The following HOMER1 variants were observed in gnomAD, a reference collection of about 807,000 sequenced individuals.
HOMER1 encodes homer scaffold protein 1.
Under a neutral mutation model 48.9 loss-of-function variants are expected in HOMER1, and 3 were observed. The observed-to-expected ratio is 0.06, with a 90% CI of 0.03 to 0.16. HOMER1 has a LOEUF of 0.16. Ranked by LOEUF, HOMER1 falls within the 10% of genes least tolerant of loss-of-function variation. The probability of loss-of-function intolerance (pLI) is 1.00; values close to 1 mark genes in which losing one functional copy is unlikely to be tolerated. For synonymous variants in HOMER1, 134 were observed against 146.4 expected (o/e 0.92, Z 0.61); for missense variants, 247 against 411.4 (o/e 0.60, Z 3.46).
At chr5:79,387,268 A>C (rs770985105) in intron 8 of HOMER1, among the ~76,000 whole-genome samples, 11 of 151,926 alleles carry the variant, frequency 7.2e-5, no homozygotes, top group African/African-American at 1.5e-4. Flanking sequence ...CTAGGACTAT[A>C]GGTGCACATC....
intron 1 of HOMER1, among the ~76,000 whole-genome samples, chr5:79,488,260 C>T (rs890999036): frequency 6.6e-6 from 1 of 152,128 alleles, no homozygotes; most frequent in East Asian, 1.9e-4. Flanking sequence ...TTAGGCAGTG[C>T]CTTTAGCACT....
At chr5:79,479,026 T>C (rs989674510) in intron 1 of HOMER1, among the ~76,000 whole-genome samples, 4 of 152,202 alleles carry the variant, frequency 2.6e-5, no homozygotes, top group African/African-American at 9.7e-5. Flanking sequence ...ATTAGTTCTT[T>C]GAAAATGACG....
intron 8 of HOMER1, among the ~76,000 whole-genome samples, chr5:79,379,111 T>TATAC (rs1554056110): frequency 1.1e-5 from 1 of 94,724 alleles, no homozygotes; most frequent in Non-Finnish European, 2.0e-5. Flanking sequence ...TATATATATA[T>TATAC]ATAAAATATA....
chr5:79,430,230 C>T (rs1426604684), intron 5 of HOMER1, among the ~76,000 whole-genome samples: 1 of 152,082 alleles, frequency 6.6e-6, no homozygotes, highest in Non-Finnish European at 1.5e-5. Context: ...AGCCATTTTT[C>T]CAAAGAATAC....
At chr5:79,391,146 T>G (rs56205950) in intron 8 of HOMER1, among the ~76,000 whole-genome samples, 3 of 150,908 alleles carry the variant, frequency 2.0e-5, no homozygotes, top group Admixed American at 1.3e-4. Flanking sequence ...TTTTTTGTTT[T>G]TTTTTTTTTT....
intron 1 of HOMER1, among the ~76,000 whole-genome samples, chr5:79,500,953 G>GTGTGTGTGAGAC (rs1491130611): frequency 1.8e-5 from 2 of 113,756 alleles, no homozygotes; most frequent in East Asian, 4.4e-4. Flanking sequence ...GTGTGTGTGT[G>GTGTGTGTGAGAC]AGACAGACAG....
chr5:79,396,847 C>T lies in HOMER1; in HGVS notation c.852G>A (p.Arg284=). The change falls in exon 8 of 9, where the codon AGG becomes AGA. Residue 284 remains arginine, a synonymous_variant. Coordinates refer to ENST00000334082, the MANE Select transcript of HOMER1 (RefSeq NM_004272.5). The part of the protein sequence containing the change: ...IDNARELQEQ[R]DSLTQKLQEV... ...CCTGTAGTTTCTGAGTCAAAGAATC[C>T]CTCTGTTCTTGTAGTTCTCTGGCAT... 1 of 1,602,168 alleles carries T rather than the reference C, an allele frequency of 6.2e-7. No homozygotes were observed. Among genetic ancestry groups the T allele is most frequent in the Admixed American group, 1.7e-5 (1 of 59,634 alleles).
intron 1 of HOMER1, among the ~76,000 whole-genome samples, chr5:79,504,559 G>A (rs1300490447): frequency 6.6e-6 from 1 of 152,138 alleles, no homozygotes; most frequent in Non-Finnish European, 1.5e-5. Flanking sequence ...CCTAATATGA[G>A]TATTTTGAGG....
intron 1 of HOMER1, among the ~76,000 whole-genome samples, chr5:79,478,097 G>A (rs944310623): frequency 1.3e-5 from 2 of 152,098 alleles, no homozygotes; most frequent in African/African-American, 2.4e-5. Context: ...TACTTACAAC[G>A]AGGCATTTAA....
In HOMER1 at chr5:79,394,147, T is replaced by C. The variant is rs549272472; in HGVS notation, c.876+2676A>G. ...AAAAACTCATAAATTAGAAAAACTGTAGCACGGTATCCTTAATTTACCAAT... is the reference window on the plus strand; with the variant it reads ...AAAAACTCATAAATTAGAAAAACTGCAGCACGGTATCCTTAATTTACCAAT... On this transcript the variant is annotated intron_variant, in intron 8 of 8. Coordinates refer to ENST00000334082, the MANE Select transcript of HOMER1 (RefSeq NM_004272.5). Among the ~76,000 whole-genome samples the C allele has an allele frequency of 2.6e-5, 4 of 152,332 alleles. No individual in the cohort carries two copies. In the South Asian group the frequency reaches 6.2e-4, roughly 24 times the overall value.
chr5:79,415,445 A>T (rs1258475363), intron 5 of HOMER1, among the ~76,000 whole-genome samples: 1 of 152,208 alleles, frequency 6.6e-6, no homozygotes, highest in African/African-American at 2.4e-5. Context: ...GTAGTCATAA[A>T]GTGAATCAGA....
rs145240973 is a variant in HOMER1 at position 79,455,535 on chromosome 5, C to A, written c.162+1327G>T. Among the ~76,000 whole-genome samples, 1,139 of 152,296 alleles carry A rather than the reference C, an allele frequency of 7.5e-3. 14 individuals carry two copies. Among genetic ancestry groups the A allele is most frequent in the African/African-American group, 0.026 (1,087 of 41,558 alleles). ...TGTAAGTTTCCTGAGGCTTCCCCAG[C>A]CATGTGGAACTGTGAGTCAAGTAAA... is the stretch of plus-strand genomic sequence containing the variant. On this transcript the variant is annotated intron_variant, in intron 2 of 8. Coordinates refer to ENST00000334082, the MANE Select transcript of HOMER1 (RefSeq NM_004272.5).
intron 1 of HOMER1, among the ~76,000 whole-genome samples, chr5:79,478,678 G>A (rs957187014): frequency 2.6e-5 from 4 of 151,998 alleles, no homozygotes; most frequent in Admixed American, 6.6e-5. Context: ...TAGGCCAGGC[G>A]CAATGGCTCA....
chr5:79,482,812 A>G (rs1396034510), intron 1 of HOMER1, among the ~76,000 whole-genome samples: 1 of 151,838 alleles, frequency 6.6e-6, no homozygotes, highest in Non-Finnish European at 1.5e-5. Context: ...TCTGGGCAAC[A>G]TGGCAAGACC....
intron 5 of HOMER1, among the ~76,000 whole-genome samples, chr5:79,406,777 T>C (rs996873734): frequency 1.3e-5 from 2 of 152,182 alleles, no homozygotes; most frequent in Non-Finnish European, 2.9e-5. Flanking sequence ...CAGAGGTCTC[T>C]AACCTGTGGG....
intron 1 of HOMER1, among the ~76,000 whole-genome samples, chr5:79,494,191 T>G (rs1254283205): frequency 6.6e-6 from 1 of 152,142 alleles, no homozygotes; most frequent in African/African-American, 2.4e-5. Context: ...CTGCATGAGC[T>G]CATCCACATT....
intron 1 of HOMER1, among the ~76,000 whole-genome samples, chr5:79,476,160 C>T (rs10474006): frequency 1 from 151,746 of 152,306 alleles, 75,595 homozygotes; most frequent in Middle Eastern, 1. Context: ...ATTGATGGCA[C>T]TGCTCATCTC....
At chr5:79,486,343 A>C (rs1580019788) in intron 1 of HOMER1, among the ~76,000 whole-genome samples, 1 of 152,172 alleles carries the variant, frequency 6.6e-6, no homozygotes, top group East Asian at 1.9e-4. Context: ...AGACAATGAG[A>C]ACAATGTGCA....
intron 5 of HOMER1, among the ~76,000 whole-genome samples, chr5:79,419,525 A>G (rs1356976425): frequency 3.3e-5 from 5 of 151,824 alleles, no homozygotes; most frequent in Admixed American, 6.6e-5. Flanking sequence ...TATTTTCCCT[A>G]TCTTTCAACC....
Sources: gnomAD v4.1 joint callset for allele counts (sites outside exome capture counted in the v4.1 genomes callset) on GRCh38, gnomAD v4.1.1 for gene constraint, MANE v1.5 for transcripts, NCBI Gene and HGNC (gene_info 2026-07-23, HGNC 2026-07-21) for gene names.